KCNT2: variants seen among roughly 807,000 people sequenced by gnomAD.
KCNT2 encodes the protein potassium sodium-activated channel subfamily T member 2, also known as potassium channel subfamily T member 2.
A neutral mutation model predicts 153.8 loss-of-function variants in KCNT2; 67 were observed. The observed-to-expected ratio is 0.44, with a 90% CI of 0.36 to 0.53. The LOEUF (loss-of-function observed/expected upper bound fraction) is 0.53, where lower values mean the gene tolerates loss of function less well. Among genes scored for constraint, KCNT2 ranks in the 20% least tolerant of loss-of-function variants. KCNT2 has a pLI of 0.00. For missense variants in KCNT2, 975 were observed against 1,354.8 expected, an observed-to-expected ratio of 0.72 and a Z score of 4.40; for synonymous variants, 500 against 458.8, an observed-to-expected ratio of 1.09 and a Z score of -1.15.
At position 196,530,565 on chromosome 1, in the gene KCNT2, T is replaced by C. The variant is rs184366580; in HGVS notation, c.96-38224A>G. Among the ~76,000 whole-genome samples, 1,023 of 152,110 alleles carry C rather than the reference T, an allele frequency of 6.7e-3. 6 individuals carry two copies. Among genetic ancestry groups the C allele is most frequent in the Non-Finnish European group, 0.012 (825 of 67,904 alleles). On this transcript the variant is annotated intron_variant, in intron 1 of 27. Coordinates refer to ENST00000294725, the MANE Select transcript of KCNT2 (RefSeq NM_198503.5). ...ATCCTGTTTAGGTAAAGCATATACA[T>C]GTAAATATAGAAAAAATGGTAAATA...
At chr1:196,517,627 C>T (rs1410430353) in intron 1 of KCNT2, among the ~76,000 whole-genome samples, 4 of 152,072 alleles carry the variant, frequency 2.6e-5, no homozygotes, top group African/African-American at 7.2e-5. Flanking sequence ...ACAATGCAAT[C>T]GCAAGTATTA....
chr1:196,346,550 TGCAC>T (rs1374072452), intron 14 of KCNT2, among the ~76,000 whole-genome samples: 1 of 152,196 alleles, frequency 6.6e-6, no homozygotes, highest in Non-Finnish European at 1.5e-5. Flanking sequence ...TTATTGTAAC[TGCAC>T]ATTATTTTTA....
At chr1:196,268,572 A>G (rs755045377) in intron 25 of KCNT2, among the ~76,000 whole-genome samples, 1 of 152,062 alleles carries the variant, frequency 6.6e-6, no homozygotes, top group African/African-American at 2.4e-5. Flanking sequence ...ACAGTGTCTC[A>G]CTCCAGTTTT....
chr1:196,257,489 C>T (rs930983105), intron 26 of KCNT2: 1 of 976,974 alleles, frequency 1.0e-6, no homozygotes, highest in Non-Finnish European at 1.2e-6. Flanking sequence ...AAATAAAACA[C>T]CTTGTTTATC....
intron 1 of KCNT2, among the ~76,000 whole-genome samples, chr1:196,520,427 T>C (rs940717382): frequency 4.6e-5 from 7 of 151,688 alleles, no homozygotes; most frequent in African/African-American, 1.5e-4. Flanking sequence ...ACCACTCCTA[T>C]TTAACATAAT....
At chr1:196,279,289 T>C (rs777160898) in intron 25 of KCNT2, among the ~76,000 whole-genome samples, 1 of 152,192 alleles carries the variant, frequency 6.6e-6, no homozygotes, top group East Asian at 1.9e-4. Context: ...AACTGTCTGG[T>C]TTGTTTTTCC....
chr1:196,263,335 A>C (rs1355773526), intron 25 of KCNT2, among the ~76,000 whole-genome samples: 1 of 152,160 alleles, frequency 6.6e-6, no homozygotes, highest in African/African-American at 2.4e-5. Context: ...TGTCCTTTGC[A>C]GGGACATGGA....
chr1:196,359,753 G>A (rs1667465958), intron 14 of KCNT2, among the ~76,000 whole-genome samples: 1 of 151,778 alleles, frequency 6.6e-6, no homozygotes, highest in Non-Finnish European at 1.5e-5. Context: ...TAGAATTTTT[G>A]ATTTAACAAA....
At chr1:196,587,956 G>A (rs957270777) in intron 1 of KCNT2, among the ~76,000 whole-genome samples, 2 of 151,990 alleles carry the variant, frequency 1.3e-5, no homozygotes, top group African/African-American at 4.8e-5. Flanking sequence ...AAAAATGGTA[G>A]CACTTGCTGG....
intron 20 of KCNT2, among the ~76,000 whole-genome samples, chr1:196,318,314 AGAG>A (rs1662937358): frequency 1.3e-5 from 2 of 151,768 alleles, no homozygotes; most frequent in Admixed American, 6.6e-5. Flanking sequence ...TACAAGCAAA[AGAG>A]GAGAATTGTT....
intron 9 of KCNT2, among the ~76,000 whole-genome samples, chr1:196,429,142 C>G (rs2148540973): frequency 6.6e-6 from 1 of 151,902 alleles, no homozygotes; most frequent in South Asian, 2.1e-4. Flanking sequence ...TGCACCTGGC[C>G]CAGATTTTAT....
intron 1 of KCNT2, among the ~76,000 whole-genome samples, chr1:196,549,358 G>GC (rs997903378): frequency 2.0e-5 from 3 of 151,614 alleles, no homozygotes; most frequent in African/African-American, 4.8e-5. Flanking sequence ...CAGATAATAG[G>GC]CCCCCCCACA....
chr1:196,394,260 G>A (rs1670732854), intron 13 of KCNT2, among the ~76,000 whole-genome samples: 1 of 151,558 alleles, frequency 6.6e-6, no homozygotes, highest in East Asian at 1.9e-4. Context: ...GACATGAAGT[G>A]CAGCAGTAAG....
chr1:196,331,621 G>C (rs187026205), intron 17 of KCNT2, among the ~76,000 whole-genome samples: 1 of 151,990 alleles, frequency 6.6e-6, no homozygotes, highest in Non-Finnish European at 1.5e-5. Flanking sequence ...GTGTTTTTGT[G>C]CTTTGGTAAC....
chr1:196,535,678 A>G (rs1655458314), intron 1 of KCNT2, among the ~76,000 whole-genome samples: 1 of 152,162 alleles, frequency 6.6e-6, no homozygotes, highest in Non-Finnish European at 1.5e-5. Flanking sequence ...CTAGTAAAAC[A>G]CTTGAGGAAT....
At chr1:196,310,731 A>C (rs1195152436) in intron 21 of KCNT2, among the ~76,000 whole-genome samples, 1 of 151,812 alleles carries the variant, frequency 6.6e-6, no homozygotes, top group African/African-American at 2.4e-5. Flanking sequence ...GGCAATACAG[A>C]AGTCTTTTAA....
chr1:196,562,057 T>C (rs749118442), intron 1 of KCNT2, among the ~76,000 whole-genome samples: 5 of 151,922 alleles, frequency 3.3e-5, no homozygotes, highest in Non-Finnish European at 5.9e-5. Context: ...ATGTTTCTTA[T>C]TGACTTGAAA....
At chr1:196,607,221 TA>T (rs1308921468) in intron 1 of KCNT2, among the ~76,000 whole-genome samples, 1 of 152,190 alleles carries the variant, frequency 6.6e-6, no homozygotes, top group Non-Finnish European at 1.5e-5. Flanking sequence ...TTTATATAAC[TA>T]AAATAGCACA....
At chr1:196,333,697 C>T (rs774014792) in intron 17 of KCNT2, 150 bp downstream of exon 17, 22 of 603,334 alleles carry the variant, frequency 3.6e-5, no homozygotes, top group South Asian at 1.4e-4. Context: ...ACTAGCAGTG[C>T]GTTTTGGTAG....
Sources: allele counts gnomAD v4.1 joint callset (sites outside exome capture counted in the v4.1 genomes callset), GRCh38; gene constraint gnomAD v4.1.1; transcripts MANE v1.5; gene names NCBI Gene and HGNC (gene_info 2026-07-23, HGNC 2026-07-21).